LUZP2: variants seen among roughly 807,000 people sequenced by gnomAD.
The protein encoded by LUZP2 is leucine zipper protein 2.
In LUZP2, 52 loss-of-function variants were observed where a neutral mutation model predicts 51.6. The observed-to-expected ratio is 1.01, with a 90% CI of 0.81 to 1.27. LUZP2 has a LOEUF of 1.27. Ranked by LOEUF, LUZP2 falls within the 50% of genes most tolerant of loss-of-function variation. The pLI is 0.00. For missense variants in LUZP2, 436 were observed against 395.4 expected, an observed-to-expected ratio of 1.10 and a Z score of -0.87; for synonymous variants, 154 against 137.3, an observed-to-expected ratio of 1.12 and a Z score of -0.85.
chr11:24,510,225 C>T (rs947603580), intron 1 of LUZP2, among the ~76,000 whole-genome samples: 40 of 152,104 alleles, frequency 2.6e-4, no homozygotes, highest in African/African-American at 8.4e-4. Flanking sequence ...AGAAAGAAAA[C>T]GAAAGAGCAG....
At chr11:24,737,501 T>TAAAA (rs74313884) in intron 3 of LUZP2, among the ~76,000 whole-genome samples, 1 of 150,242 alleles carries the variant, frequency 6.7e-6, no homozygotes, top group Non-Finnish European at 1.5e-5. Flanking sequence ...ATAGCTCGAG[T>TAAAA]AAAAAAAAAT....
chr11:24,662,594 A>C (rs1856058881), intron 1 of LUZP2, among the ~76,000 whole-genome samples: 1 of 152,152 alleles, frequency 6.6e-6, no homozygotes, highest in South Asian at 2.1e-4. Flanking sequence ...AAAATATTCC[A>C]AAAATAATGT....
At chr11:24,534,677 A>G (rs1003706905) in intron 1 of LUZP2, among the ~76,000 whole-genome samples, 3 of 151,432 alleles carry the variant, frequency 2.0e-5, no homozygotes, top group Non-Finnish European at 4.4e-5. Flanking sequence ...CCACCTATAA[A>G]TTCCTTAGCA....
chr11:24,723,947 A>G (rs2133956239), intron 1 of LUZP2, among the ~76,000 whole-genome samples: 1 of 152,326 alleles, frequency 6.6e-6, no homozygotes, highest in Non-Finnish European at 1.5e-5. Context: ...AAGACATTTG[A>G]TGTATATGAT....
At chr11:24,585,763 G>A (rs910066702) in intron 1 of LUZP2, among the ~76,000 whole-genome samples, 1 of 151,962 alleles carries the variant, frequency 6.6e-6, no homozygotes, top group African/African-American at 2.4e-5. Flanking sequence ...AACTCTGAAT[G>A]AGCCGCTTTC....
intron 1 of LUZP2, among the ~76,000 whole-genome samples, chr11:24,540,482 G>A (rs1186460427): frequency 6.6e-6 from 1 of 152,058 alleles, no homozygotes; most frequent in African/African-American, 2.4e-5. Flanking sequence ...CAAGAACCAA[G>A]ACTAAGACAC....
chr11:24,792,223 T>C (rs1020833997), intron 5 of LUZP2, among the ~76,000 whole-genome samples: 11 of 151,872 alleles, frequency 7.2e-5, no homozygotes, highest in Admixed American at 2.0e-4. Context: ...GGTCAGGAAA[T>C]TGAGACCATC....
At chr11:24,704,487 A>T (rs1015481687) in intron 1 of LUZP2, among the ~76,000 whole-genome samples, 2 of 151,672 alleles carry the variant, frequency 1.3e-5, no homozygotes, top group African/African-American at 4.8e-5. Context: ...ATGCTTTGAC[A>T]TATTTTTGTG....
intron 1 of LUZP2, among the ~76,000 whole-genome samples, chr11:24,603,297 T>G (rs189199689): frequency 3.2e-4 from 49 of 151,942 alleles, no homozygotes; most frequent in African/African-American, 1.1e-3. Context: ...AACTTATTTC[T>G]GAGTGACCCA....
At chr11:24,866,621 G>A (rs1590661127) in intron 5 of LUZP2, among the ~76,000 whole-genome samples, 1 of 152,140 alleles carries the variant, frequency 6.6e-6, no homozygotes, top group Non-Finnish European at 1.5e-5. Flanking sequence ...CTATGCTACA[G>A]GCAGAGAGGA....
At chr11:24,894,660 A>T (rs11028257) in intron 5 of LUZP2, among the ~76,000 whole-genome samples, 10 of 150,810 alleles carry the variant, frequency 6.6e-5, no homozygotes, top group South Asian at 2.1e-4. Flanking sequence ...TATGTCTATG[A>T]GTATTCAATG....
chr11:24,891,838 A>T (rs1852864915), intron 5 of LUZP2: 2 of 982,382 alleles, frequency 2.0e-6, no homozygotes, highest in African/African-American at 3.5e-5. Flanking sequence ...AACACTCTGC[A>T]CTGAACATCT....
chr11:24,628,431 G>T (rs1854760230), intron 1 of LUZP2, among the ~76,000 whole-genome samples: 1 of 152,134 alleles, frequency 6.6e-6, no homozygotes, highest in Admixed American at 6.5e-5. Flanking sequence ...GACTTCAAAT[G>T]AGATCATAGC....
intron 5 of LUZP2, among the ~76,000 whole-genome samples, chr11:24,894,257 C>T (rs557474125): frequency 1.3e-5 from 2 of 150,890 alleles, no homozygotes; most frequent in African/African-American, 4.9e-5. Context: ...TCACTACAAC[C>T]TCCGCCTCCC....
At chr11:24,826,193 AT>A (rs1850534934) in intron 5 of LUZP2, among the ~76,000 whole-genome samples, 11 of 130,492 alleles carry the variant, frequency 8.4e-5, no homozygotes, top group East Asian at 2.2e-4. Flanking sequence ...AAAAAAAAAT[AT>A]ATATATATAT....
At chr11:24,996,620 TTATTTTATTTTATTA>T (rs1565205329) in intron 9 of LUZP2, among the ~76,000 whole-genome samples, 1 of 95,482 alleles carries the variant, frequency 1.0e-5, no homozygotes. Context: ...TTATTTTATT[TTATTTTATTTTATTA>T]TACTTTAAGT....
intron 5 of LUZP2, among the ~76,000 whole-genome samples, chr11:24,895,986 C>T (rs1056554569): frequency 6.6e-6 from 1 of 152,204 alleles, no homozygotes; most frequent in African/African-American, 2.4e-5. Flanking sequence ...TTTCTCCACA[C>T]CCTTATCAGC....
chr11:24,918,075 G>C (rs897813861), intron 7 of LUZP2, among the ~76,000 whole-genome samples: 1 of 151,898 alleles, frequency 6.6e-6, no homozygotes, highest in Non-Finnish European at 1.5e-5. Context: ...GGATTCCTAG[G>C]TATTGTATTC....
rs572159012 is a variant in LUZP2 at position 24,739,619 on chromosome 11, T to G, written c.333+1317T>G. The stretch of plus-strand genomic sequence containing the variant: ...GGTGAAGCCTAAATCTCCATTTAGG[T>G]CAATTACCTGGAATCCTAGGCTCTC... On this transcript the variant is annotated intron_variant, in intron 4 of 11. Coordinates refer to ENST00000336930, the MANE Select transcript of LUZP2 (RefSeq NM_001009909.4). 9.9e-5 allele frequency among the ~76,000 whole-genome samples: 15 copies of G among 152,140 alleles called. No homozygotes were observed. The East Asian group carries it at 2.9e-3, about 30-fold the overall frequency.
Sources: allele counts gnomAD v4.1 joint callset (sites outside exome capture counted in the v4.1 genomes callset), GRCh38; gene constraint gnomAD v4.1.1; transcripts MANE v1.5; gene names NCBI Gene and HGNC (gene_info 2026-07-23, HGNC 2026-07-21).